SHLD2: variants seen among roughly 807,000 people sequenced by gnomAD.
The protein encoded by SHLD2 is RINN1-REV7-interacting novel NHEJ regulator 2.
Under a neutral mutation model 73.2 loss-of-function variants are expected in SHLD2, and 30 were observed. That is an observed-to-expected ratio of 0.41 (90% CI 0.31 to 0.56). SHLD2 has a LOEUF of 0.56. SHLD2 is among the 20% of genes least tolerant of loss of function. SHLD2 has a pLI of 0.28. For missense variants in SHLD2, 745 were observed against 1,055.9 expected, an observed-to-expected ratio of 0.71 and a Z score of 4.08; for synonymous variants, 285 against 370.1, an observed-to-expected ratio of 0.77 and a Z score of 2.64.
chr10:87,189,202 TGTTA>T (rs1396008085), intron 9 of SHLD2, among the ~76,000 whole-genome samples: 1 of 152,210 alleles, frequency 6.6e-6, no homozygotes, highest in Non-Finnish European at 1.5e-5. Flanking sequence ...GGTTTCTCTA[TGTTA>T]GTTAGGCTGG....
chr10:87,099,202 G>T (rs1219219028), intron 2 of SHLD2, among the ~76,000 whole-genome samples: 1 of 152,108 alleles, frequency 6.6e-6, no homozygotes, highest in East Asian at 1.9e-4. Context: ...TCCTTAGCTG[G>T]TTTAAAATTC....
chr10:87,188,125 G>A (rs1223005122), intron 9 of SHLD2, among the ~76,000 whole-genome samples: 1 of 152,184 alleles, frequency 6.6e-6, no homozygotes, highest in East Asian at 1.9e-4. Context: ...TGGTGGGCGG[G>A]AGCAGGGTTG....
intron 2 of SHLD2, among the ~76,000 whole-genome samples, chr10:87,130,797 G>A (rs1266950285): frequency 2.6e-5 from 4 of 152,132 alleles, no homozygotes; most frequent in African/African-American, 9.7e-5. Flanking sequence ...AGGGCCAGGC[G>A]TGGTGGCTCA....
At chr10:87,120,445 C>T (rs912905721) in intron 2 of SHLD2, among the ~76,000 whole-genome samples, 2 of 151,812 alleles carry the variant, frequency 1.3e-5, no homozygotes, top group African/African-American at 4.8e-5. Flanking sequence ...GACAGGGTTT[C>T]ACCGTGTTAG....
intron 2 of SHLD2, among the ~76,000 whole-genome samples, chr10:87,132,318 A>G (rs1844487317): frequency 6.6e-6 from 1 of 152,304 alleles, no homozygotes; most frequent in Middle Eastern, 3.4e-3. Context: ...TGGTATTATG[A>G]CACAAGGGTT....
chr10:87,102,272 C>G (rs1338135576), intron 2 of SHLD2, among the ~76,000 whole-genome samples: 1 of 152,138 alleles, frequency 6.6e-6, no homozygotes, highest in African/African-American at 2.4e-5. Context: ...GTATAAGTTT[C>G]AAGTTTGGGC....
At chr10:87,175,455 G>C (rs1847894440) in intron 6 of SHLD2, among the ~76,000 whole-genome samples, 1 of 151,784 alleles carries the variant, frequency 6.6e-6, no homozygotes, top group East Asian at 1.9e-4. Flanking sequence ...GGAGGCCGAG[G>C]TGGGCGGATC....
intron 3 of SHLD2, among the ~76,000 whole-genome samples, chr10:87,155,989 A>G (rs564504565): frequency 2.6e-5 from 4 of 152,086 alleles, no homozygotes; most frequent in African/African-American, 7.2e-5. Context: ...CTGTTGTCCT[A>G]ATGAGGCAGT....
intron 7 of SHLD2, among the ~76,000 whole-genome samples, chr10:87,179,405 C>CT (rs60122400): frequency 0.22 from 31,613 of 142,528 alleles, 3,954 homozygotes; most frequent in African/African-American, 0.35. Context: ...TCCTATTTGG[C>CT]TTTTTTTTTT....
rs201347040 is a variant in SHLD2, at chr10:87,187,028, G to A, written c.2400-57G>A. ...CTTTTTGGAATTATTTTTCATTTAAGCATTTCTTTTATCTGAAAATCTTTT... is the reference window on the plus strand; with the variant it reads ...CTTTTTGGAATTATTTTTCATTTAAACATTTCTTTTATCTGAAAATCTTTT... On this transcript the variant is annotated intron_variant, in intron 8 of 9. Transcript: ENST00000298786. 218 of 1,095,124 alleles carry A rather than the reference G, an allele frequency of 2.0e-4. 1 individual carries two copies. The highest frequency in any genetic ancestry group is 2.9e-5 in the Non-Finnish European group (21 of 725,506). 67.8% of individuals were successfully genotyped at this position (1,095,124 alleles called of 1,614,324 possible). A position where few individuals can be genotyped will look rare whatever the true frequency, so the allele number is the denominator to read the frequency against.
At chr10:87,142,922 CTTTTTTTTTTTT>C (rs71269253) in intron 2 of SHLD2, among the ~76,000 whole-genome samples, 2 of 83,174 alleles carry the variant, frequency 2.4e-5, no homozygotes, top group African/African-American at 5.5e-5. Context: ...TTTATTTTTA[CTTTTTTTTTTTT>C]TTTTTTTTTT....
intron 8 of SHLD2, among the ~76,000 whole-genome samples, 175 bp from the exon 9 acceptor site, chr10:87,186,910 G>GA (rs375957611): frequency 3.6e-4 from 52 of 144,920 alleles, no homozygotes; most frequent in Admixed American, 4.1e-4. Flanking sequence ...AGCTCTTGGG[G>GA]AAAAAAAAAA....
upstream of SHLD2, chr10:87,094,730 C>G (rs752422493): frequency 2.2e-5 from 33 of 1,523,136 alleles, no homozygotes; most frequent in African/African-American, 4.6e-4. This position sits in a 1 kb window ranked among gnomAD's most constrained non-coding sequence, Gnocchi z 6.6. Context: ...GCGGGCCCGG[C>G]CCGGGACAGC....
At chr10:87,117,355 G>A (rs1316702872) in intron 2 of SHLD2, among the ~76,000 whole-genome samples, 10 of 152,172 alleles carry the variant, frequency 6.6e-5, no homozygotes, top group Non-Finnish European at 1.2e-4. Context: ...GGAGGTGGAA[G>A]TTTCGGTGAG....
chr10:87,130,984 G>A (rs1404846203), intron 2 of SHLD2, among the ~76,000 whole-genome samples: 2 of 152,062 alleles, frequency 1.3e-5, no homozygotes, highest in African/African-American at 2.4e-5. Flanking sequence ...GGAGGATCGC[G>A]TGAGCCTGGG....
intron 2 of SHLD2, among the ~76,000 whole-genome samples, chr10:87,105,859 C>T (rs1210757880): frequency 6.6e-6 from 1 of 152,210 alleles, no homozygotes; most frequent in Non-Finnish European, 1.5e-5. Context: ...CTCTTAGACC[C>T]CAGTAGCTAG....
At chr10:87,155,773 A>G (rs1444357548) in intron 3 of SHLD2, among the ~76,000 whole-genome samples, 2 of 152,178 alleles carry the variant, frequency 1.3e-5, no homozygotes, top group Non-Finnish European at 2.9e-5. Flanking sequence ...ACAACGAGGT[A>G]ACATTCTCTC....
At chr10:87,146,259 T>A (rs936588077) in intron 2 of SHLD2, among the ~76,000 whole-genome samples, 2 of 152,124 alleles carry the variant, frequency 1.3e-5, no homozygotes, top group Non-Finnish European at 2.9e-5. Context: ...CAACCCAACA[T>A]GAGTTTGTAA....
intron 8 of SHLD2, among the ~76,000 whole-genome samples, chr10:87,181,317 C>T (rs1019604256): frequency 2.0e-5 from 3 of 150,836 alleles, no homozygotes; most frequent in Admixed American, 6.6e-5. Flanking sequence ...CCCAGGAGAT[C>T]GATTGTTACA....
Sources: allele counts gnomAD v4.1 joint callset (sites outside exome capture counted in the v4.1 genomes callset), GRCh38; gene constraint gnomAD v4.1.1; non-coding constraint Gnocchi (gnomAD v3.1); transcripts MANE v1.5; gene names NCBI Gene and HGNC (gene_info 2026-07-23, HGNC 2026-07-21).